The following ANK2 variants were observed in gnomAD, a reference collection of about 807,000 sequenced individuals.
ANK2 encodes the protein ankyrin 2, also known as ankyrin-2.
A neutral mutation model predicts 360.5 loss-of-function variants in ANK2; 83 were observed. That is an observed-to-expected ratio of 0.23 (90% CI 0.19 to 0.28). The LOEUF (loss-of-function observed/expected upper bound fraction) is 0.28, where lower values mean the gene tolerates loss of function less well. ANK2 is among the 10% of genes least tolerant of loss of function. The pLI, the probability that ANK2 is intolerant of heterozygous loss-of-function variation, is 1.00. For missense variants in ANK2, 4,201 were observed against 4,795.7 expected (o/e 0.88, Z 3.66); for synonymous variants, 1,740 against 1,759.5 (o/e 0.99, Z 0.28).
At chr4:113,273,362 A>C (rs2059179204) in intron 14 of ANK2, among the ~76,000 whole-genome samples, 1 of 152,232 alleles carries the variant, frequency 6.6e-6, no homozygotes, top group East Asian at 1.9e-4. Context: ...GCAAATGTTC[A>C]CAAAATTTCA....
chr4:112,815,544 G>C (rs747260160), upstream of ANK2, among the ~76,000 whole-genome samples: 3 of 152,184 alleles, frequency 2.0e-5, no homozygotes, highest in Non-Finnish European at 2.9e-5. Context: ...CTAATGAGGT[G>C]ACTCTTGGTG....
At chr4:112,945,681 C>T (rs1337799755) in intron 2 of ANK2, among the ~76,000 whole-genome samples, 1 of 152,154 alleles carries the variant, frequency 6.6e-6, no homozygotes, top group African/African-American at 2.4e-5. Flanking sequence ...AGGACACCAC[C>T]CCTGCCAAGA....
At chr4:113,021,541 C>CACACACACACACACACACACACATAT in intron 2 of ANK2, among the ~76,000 whole-genome samples, 1 of 95,572 alleles carries the variant, frequency 1.0e-5, no homozygotes, top group Non-Finnish European at 2.3e-5. Context: ...CACACACAAA[C>CACACACACACACACACACACACATAT]ATATATATAT....
the ANK2 span, among the ~76,000 whole-genome samples, chr4:112,760,561 C>T: frequency 6.8e-6 from 1 of 147,832 alleles, no homozygotes; most frequent in Non-Finnish European, 1.5e-5. Flanking sequence ...TATTATTATA[C>T]TTTAAGTTTT....
chr4:112,955,641 C>G (rs966319190), intron 2 of ANK2, among the ~76,000 whole-genome samples: 3 of 151,724 alleles, frequency 2.0e-5, no homozygotes, highest in Admixed American at 6.6e-5. Context: ...TGATGGGATT[C>G]TAGTCTACAG....
chr4:112,876,575 T>G (rs1002590078), intron 1 of ANK2, among the ~76,000 whole-genome samples: 1 of 152,026 alleles, frequency 6.6e-6, no homozygotes, highest in Non-Finnish European at 1.5e-5. Flanking sequence ...CAGGAAAGTG[T>G]TAAAAAACAG....
At chr4:113,214,512 A>C in intron 4 of ANK2, 1 of 598,558 alleles carries the variant, frequency 1.7e-6, no homozygotes, top group South Asian at 2.0e-5. Flanking sequence ...TATTACATTC[A>C]TTAATTTATT....
the ANK2 span, among the ~76,000 whole-genome samples, chr4:112,792,033 C>CTT: frequency 0.012 from 782 of 65,778 alleles, 1 homozygote; most frequent in Middle Eastern, 0.029. Context: ...CACATCCTTT[C>CTT]TTTTTTTTTT....
intron 1 of ANK2, among the ~76,000 whole-genome samples, chr4:112,850,081 C>T (rs981987708): frequency 6.6e-6 from 1 of 152,240 alleles, no homozygotes; most frequent in Admixed American, 6.5e-5. Flanking sequence ...GGATCCCTTA[C>T]CCCCACTTTC....
At chr4:113,017,021 GT>G (rs905525439) in intron 2 of ANK2, among the ~76,000 whole-genome samples, 2 of 152,116 alleles carry the variant, frequency 1.3e-5, no homozygotes, top group Non-Finnish European at 2.9e-5. Context: ...TTTTTATGCA[GT>G]ATACACTTAG....
chr4:113,039,354 C>CT (rs764545524), intron 2 of ANK2, among the ~76,000 whole-genome samples: 1 of 151,902 alleles, frequency 6.6e-6, no homozygotes, highest in Admixed American at 6.6e-5. Context: ...CAAGTTAATC[C>CT]TTTTTTGCCT....
At chr4:113,149,874 C>CAAAAAAAAAAAAAAAAAAAA (rs34667216) in intron 1 of ANK2, among the ~76,000 whole-genome samples, 7 of 31,408 alleles carry the variant, frequency 2.2e-4, no homozygotes, top group Admixed American at 1.2e-3. Flanking sequence ...GACCCTGCCT[C>CAAAAAAAAAAAAAAAAAAAA]AAAAAAAAAA....
intron 1 of ANK2, among the ~76,000 whole-genome samples, chr4:112,841,506 A>G (rs1247757931): frequency 6.6e-6 from 1 of 152,224 alleles, no homozygotes; most frequent in African/African-American, 2.4e-5. Flanking sequence ...GACATCTGGC[A>G]TGCAAACAGA....
upstream of ANK2, among the ~76,000 whole-genome samples, chr4:113,048,246 G>GTA (rs1561687336): frequency 4.5e-3 from 243 of 54,600 alleles, 6 homozygotes; most frequent in African/African-American, 0.017. Flanking sequence ...ATCTACAAGT[G>GTA]TGTATATATA....
chr4:113,004,105 C>T (rs1442187756), intron 2 of ANK2, among the ~76,000 whole-genome samples: 2 of 152,204 alleles, frequency 1.3e-5, no homozygotes, highest in African/African-American at 4.8e-5. Context: ...AGGCCTAGAA[C>T]ATTATTGTAC....
the ANK2 span, among the ~76,000 whole-genome samples, chr4:112,801,961 AT>A: frequency 0.54 from 80,740 of 149,396 alleles, 22,195 homozygotes; most frequent in East Asian, 0.88. Flanking sequence ...ACCATTCATG[AT>A]TTTTTTTTTT....
At chr4:113,299,521 A>G (rs1283684599) in intron 22 of ANK2, among the ~76,000 whole-genome samples, 1 of 152,082 alleles carries the variant, frequency 6.6e-6, no homozygotes, top group Non-Finnish European at 1.5e-5. Flanking sequence ...CCAGGCCAAC[A>G]TGGTGAAGCC....
chr4:112,881,619 A>G (rs971649038), intron 1 of ANK2: 11 of 345,012 alleles, frequency 3.2e-5, no homozygotes, highest in African/African-American at 2.3e-4. Flanking sequence ...AAAAATGTAC[A>G]TTAAAACTCT....
intron 4 of ANK2, among the ~76,000 whole-genome samples, chr4:113,222,263 G>C (rs192556588): frequency 2.6e-4 from 40 of 152,262 alleles, no homozygotes; most frequent in African/African-American, 8.9e-4. Flanking sequence ...TCATCAAGCA[G>C]GTCATAGAAA....
Sources: gnomAD v4.1 joint callset for allele counts (sites outside exome capture counted in the v4.1 genomes callset) on GRCh38, gnomAD v4.1.1 for gene constraint, MANE v1.5 for transcripts, NCBI Gene and HGNC (gene_info 2026-07-23, HGNC 2026-07-21) for gene names.